Variants in CAMK2A observed in about 807,000 individuals in gnomAD.
CAMK2A encodes calcium/calmodulin-dependent protein kinase type II subunit alpha.
A neutral mutation model predicts 79.2 loss-of-function variants in CAMK2A; 7 were observed. The ratio of observed to expected loss-of-function variants is 0.09; its 90% CI spans 0.05 to 0.17. The LOEUF (loss-of-function observed/expected upper bound fraction) is 0.17, where lower values mean the gene tolerates loss of function less well. Among genes scored for constraint, CAMK2A ranks in the 10% least tolerant of loss-of-function variants. The probability of loss-of-function intolerance (pLI) is 1.00; values close to 1 mark genes in which losing one functional copy is unlikely to be tolerated. For synonymous variants in CAMK2A, 242 were observed against 251.7 expected, an observed-to-expected ratio of 0.96 and a Z score of 0.36; for missense variants, 214 against 646.4, an observed-to-expected ratio of 0.33 and a Z score of 7.25.
At chr5:150,247,500 GC>G (rs1755623136) in intron 12 of CAMK2A, among the ~76,000 whole-genome samples, 1 of 152,196 alleles carries the variant, frequency 6.6e-6, no homozygotes, top group African/African-American at 2.4e-5. Flanking sequence ...CCTCTAGGCG[GC>G]CCAGCCTGAG....
intron 1 of CAMK2A, among the ~76,000 whole-genome samples, chr5:150,285,615 C>T (rs574189861): frequency 2.0e-5 from 3 of 152,286 alleles, no homozygotes; most frequent in South Asian, 4.1e-4. Flanking sequence ...GAGCTTAGGT[C>T]GAGGAAGCTG....
At chr5:150,253,420 C>T (rs1167510635) in intron 7 of CAMK2A, 24 bp downstream of exon 7, 3 of 1,578,588 alleles carry the variant, frequency 1.9e-6, no homozygotes, top group East Asian at 4.5e-5. Context: ...ACCCCCAACA[C>T]TTCTGCCAGC....
intron 1 of CAMK2A, among the ~76,000 whole-genome samples, chr5:150,278,582 G>A (rs1017237272): frequency 3.3e-5 from 5 of 152,162 alleles, no homozygotes; most frequent in Non-Finnish European, 5.9e-5. Context: ...GGGAGGGCAA[G>A]GGTGGGAAGC....
intron 1 of CAMK2A, among the ~76,000 whole-genome samples, chr5:150,277,055 C>A (rs1000485931): frequency 2.6e-5 from 4 of 152,136 alleles, no homozygotes; most frequent in Non-Finnish European, 5.9e-5. Flanking sequence ...CATGGCGAAA[C>A]CCCATCTCTA....
At chr5:150,259,600 A>G (rs6880793) in intron 3 of CAMK2A, among the ~76,000 whole-genome samples, 13,045 of 152,276 alleles carry the variant, frequency 0.086, 1,425 homozygotes, top group African/African-American at 0.25. Context: ...TAACTAAAAG[A>G]TGTTTTAAAT....
intron 13 of CAMK2A, among the ~76,000 whole-genome samples, chr5:150,244,280 C>A (rs78250236): frequency 0.077 from 11,762 of 152,210 alleles, 1,511 homozygotes; most frequent in African/African-American, 0.26. Context: ...CTTGACAGAC[C>A]AAAACCAGCG....
At chr5:150,251,652 G>T in intron 9 of CAMK2A, 98 bp downstream of exon 9, 2 of 884,726 alleles carry the variant, frequency 2.3e-6, no homozygotes, top group Non-Finnish European at 3.4e-6. Context: ...CTCCCCTGGG[G>T]TTCACCCCTG....
At chr5:150,267,642 T>C (rs1756565322) in intron 2 of CAMK2A, among the ~76,000 whole-genome samples, 1 of 152,180 alleles carries the variant, frequency 6.6e-6, no homozygotes, top group African/African-American at 2.4e-5. Context: ...TTCTGGTAAC[T>C]CTGTTTGCAG....
intron 16 of CAMK2A, among the ~76,000 whole-genome samples, chr5:150,230,820 G>T (rs756361344): frequency 5.3e-5 from 8 of 152,238 alleles, no homozygotes; most frequent in Non-Finnish European, 1.0e-4. Flanking sequence ...AATTACTTCT[G>T]CTCATGCCTG....
chr5:150,281,345 C>G (rs1207100293), intron 1 of CAMK2A, among the ~76,000 whole-genome samples: 5 of 152,240 alleles, frequency 3.3e-5, no homozygotes, highest in African/African-American at 1.2e-4. Context: ...ATAGCCCAAG[C>G]TGGCTGATTT....
At chr5:150,267,447 T>C (rs990952959) in intron 2 of CAMK2A, among the ~76,000 whole-genome samples, 3 of 152,248 alleles carry the variant, frequency 2.0e-5, no homozygotes, top group Non-Finnish European at 4.4e-5. Context: ...ATTGACAGGA[T>C]TGAAAGAAGA....
chr5:150,273,387 G>A (rs1023749121), intron 1 of CAMK2A, among the ~76,000 whole-genome samples: 6 of 152,212 alleles, frequency 3.9e-5, no homozygotes, highest in Admixed American at 2.0e-4. Flanking sequence ...AGTGAGAGGA[G>A]CCTGCCAACG....
At chr5:150,226,254 A>G (rs1754593473) in intron 17 of CAMK2A, among the ~76,000 whole-genome samples, 1 of 152,132 alleles carries the variant, frequency 6.6e-6, no homozygotes, top group South Asian at 2.1e-4. Flanking sequence ...GGGAAGGGAA[A>G]GGGCACTGGG....
At chr5:150,229,252 C>T (rs759038250) in intron 16 of CAMK2A, among the ~76,000 whole-genome samples, 18 of 152,216 alleles carry the variant, frequency 1.2e-4, no homozygotes, top group Non-Finnish European at 2.1e-4. Flanking sequence ...TGCTTCTCTA[C>T]TCATGACCCC....
chr5:150,248,348 T>C (rs1183535961), intron 11 of CAMK2A, among the ~76,000 whole-genome samples: 4 of 149,264 alleles, frequency 2.7e-5, no homozygotes, highest in Admixed American at 6.7e-5. Flanking sequence ...ATATATATTA[T>C]ATAATACTTT....
intron 2 of CAMK2A, 26 bp from the exon 3 acceptor site, chr5:150,265,041 C>A: frequency 1.3e-6 from 2 of 1,571,050 alleles, no homozygotes; most frequent in East Asian, 2.2e-5. Context: ...TCATGTGAGT[C>A]CCCGGTGAGG....
At chr5:150,288,584 C>T (rs1455446808) in intron 1 of CAMK2A, among the ~76,000 whole-genome samples, 1 of 152,160 alleles carries the variant, frequency 6.6e-6, no homozygotes, top group Non-Finnish European at 1.5e-5. Flanking sequence ...CACCAATACA[C>T]ACCTGCCTCC....
intron 2 of CAMK2A, among the ~76,000 whole-genome samples, chr5:150,269,296 A>AG (rs1277377916): frequency 6.6e-6 from 1 of 152,202 alleles, no homozygotes; most frequent in Non-Finnish European, 1.5e-5. Context: ...AGCAGAGCTC[A>AG]GCAGGCAGAG....
intron 12 of CAMK2A, among the ~76,000 whole-genome samples, chr5:150,247,240 G>T (rs1755611344): frequency 6.6e-6 from 1 of 152,230 alleles, no homozygotes; most frequent in African/African-American, 2.4e-5. Flanking sequence ...GCTGAATGCA[G>T]GCTCTGCCTC....
Sources: allele counts gnomAD v4.1 joint callset (sites outside exome capture counted in the v4.1 genomes callset), GRCh38; gene constraint gnomAD v4.1.1; transcripts MANE v1.5; gene names NCBI Gene and HGNC (gene_info 2026-07-23, HGNC 2026-07-21).